The following ADAMTS12 variants were observed in gnomAD, a reference collection of about 807,000 sequenced individuals.
ADAMTS12 encodes the protein A disintegrin and metalloproteinase with thrombospondin motifs 12.
A neutral mutation model predicts 167.8 loss-of-function variants in ADAMTS12; 118 were observed. The observed-to-expected ratio is 0.70, with a 90% CI of 0.61 to 0.82. ADAMTS12 has a LOEUF of 0.82. ADAMTS12 is among the 40% of genes least tolerant of loss of function. The pLI is 0.00. For missense variants in ADAMTS12, 1,916 were observed against 1,998.8 expected (o/e 0.96, Z 0.79); for synonymous variants, 704 against 716.9 (o/e 0.98, Z 0.29).
At chr5:33,559,198 G>C (rs1245598847) in intron 20 of ADAMTS12, among the ~76,000 whole-genome samples, 2 of 152,182 alleles carry the variant, frequency 1.3e-5, no homozygotes, top group African/African-American at 4.8e-5. Flanking sequence ...TAAACCTCTT[G>C]GGTAGCTCTT....
chr5:33,619,928 C>T (rs560089597), intron 14 of ADAMTS12, among the ~76,000 whole-genome samples: 6 of 152,280 alleles, frequency 3.9e-5, no homozygotes, highest in Admixed American at 2.6e-4. Flanking sequence ...CTCTTGACCT[C>T]GTGATCTGCC....
intron 2 of ADAMTS12, among the ~76,000 whole-genome samples, chr5:33,775,218 G>A (rs540407966): frequency 6.6e-6 from 1 of 152,236 alleles, no homozygotes; most frequent in Non-Finnish European, 1.5e-5. Context: ...TTAGGGCTTT[G>A]AGCCCTGTAA....
intron 3 of ADAMTS12, among the ~76,000 whole-genome samples, chr5:33,731,808 T>C (rs2112354187): frequency 6.6e-6 from 1 of 152,322 alleles, no homozygotes; most frequent in East Asian, 1.9e-4. Flanking sequence ...TAACATTGCA[T>C]CTTATTAGAC....
intron 19 of ADAMTS12, among the ~76,000 whole-genome samples, chr5:33,572,086 T>G (rs1270549524): frequency 6.6e-6 from 1 of 152,126 alleles, no homozygotes; most frequent in South Asian, 2.1e-4. Flanking sequence ...TAACAGGAGC[T>G]GAAATTGGGG....
At chr5:33,741,244 A>C (rs1475381045) in intron 3 of ADAMTS12, among the ~76,000 whole-genome samples, 1 of 152,140 alleles carries the variant, frequency 6.6e-6, no homozygotes, top group Non-Finnish European at 1.5e-5. Flanking sequence ...GGCCCAAACC[A>C]CATAAACAGA....
At chr5:33,565,669 T>C (rs962714061) in intron 19 of ADAMTS12, among the ~76,000 whole-genome samples, 1 of 117,178 alleles carries the variant, frequency 8.5e-6, no homozygotes, top group Admixed American at 1.0e-4. Context: ...GCCAGTTTTT[T>C]GTTTGTTTTT....
intron 3 of ADAMTS12, among the ~76,000 whole-genome samples, chr5:33,732,265 T>A (rs1349265200): frequency 6.6e-6 from 1 of 152,196 alleles, no homozygotes; most frequent in Non-Finnish European, 1.5e-5. Context: ...TGAATATTTA[T>A]CTGACACTAG....
chr5:33,727,160 C>T (rs973763406), intron 3 of ADAMTS12, among the ~76,000 whole-genome samples: 4 of 152,134 alleles, frequency 2.6e-5, no homozygotes, highest in Admixed American at 2.6e-4. Flanking sequence ...AGCGCAAAAG[C>T]AAGGCAGGGT....
intron 2 of ADAMTS12, among the ~76,000 whole-genome samples, chr5:33,758,408 T>C (rs7712324): frequency 0.23 from 34,409 of 151,990 alleles, 5,351 homozygotes; most frequent in East Asian, 0.55. Flanking sequence ...TTCAGCCTCT[T>C]GGCATAATGA....
In ADAMTS12 at chr5:33,769,065, G is replaced by A. The variant is rs1166863394; in HGVS notation, c.490-17517C>T. Among the ~76,000 whole-genome samples the A allele has an allele frequency of 2.0e-5, 3 of 152,034 alleles. No homozygotes were observed. In the East Asian group the frequency reaches 5.8e-4, roughly 29 times the overall value. Reference sequence around the variant, plus strand: ...TCAAAAAGATTATAACTGGAAGACAGAGGCACAACAGAAAGAACCAGAGAG... The same window carrying A: ...TCAAAAAGATTATAACTGGAAGACAAAGGCACAACAGAAAGAACCAGAGAG... On this transcript the variant is annotated intron_variant, in intron 2 of 23. Coordinates refer to ENST00000504830, the MANE Select transcript of ADAMTS12 (RefSeq NM_030955.4).
chr5:33,648,760 C>T, intron 9 of ADAMTS12, 62 bp downstream of exon 9: 4 of 1,594,080 alleles, frequency 2.5e-6, no homozygotes, highest in Non-Finnish European at 3.4e-6. Flanking sequence ...ATTGTCCTGG[C>T]CCTTCCTTCA....
chr5:33,763,305 G>A (rs1745420174), intron 2 of ADAMTS12, among the ~76,000 whole-genome samples: 1 of 152,106 alleles, frequency 6.6e-6, no homozygotes, highest in Non-Finnish European at 1.5e-5. Flanking sequence ...TAAGAGGAAG[G>A]CAAGAGGATC....
chr5:33,615,758 T>C, intron 15 of ADAMTS12, 70 bp downstream of exon 15: 1 of 1,584,478 alleles, frequency 6.3e-7, no homozygotes, highest in Non-Finnish European at 8.6e-7. Context: ...CCCTAGCAAG[T>C]ACCTTGGGGA....
At chr5:33,811,994 A>G (rs1043098772) in intron 2 of ADAMTS12, among the ~76,000 whole-genome samples, 1 of 152,260 alleles carries the variant, frequency 6.6e-6, no homozygotes, top group South Asian at 2.1e-4. Flanking sequence ...TAACTCAAAG[A>G]TTTGTCAGCA....
chr5:33,677,635 T>C (rs1350105221), intron 5 of ADAMTS12, among the ~76,000 whole-genome samples: 1 of 152,130 alleles, frequency 6.6e-6, no homozygotes, highest in Non-Finnish European at 1.5e-5. Context: ...AAGGATAGAA[T>C]TTGGGCCATA....
In ADAMTS12 at chr5:33,576,060, C is replaced by T; in HGVS notation, c.3966G>A (p.Trp1322Ter). ...GGGGTAGGAAATGTCTTACCTCGCT[C>T]CAGTTTCCGACGATCCAGTGTGCAG... ...HGSAHWIVGN[W>*]SECSTTCGLG... The change falls in exon 19 of 24, where the codon TGG (tryptophan) becomes TGA (stop). Residue 1322 changes from tryptophan to a stop codon, truncating the protein, a stop_gained. Transcript: ENST00000504830. LOFTEE classifies it high-confidence loss of function. 1.2e-6 allele frequency: 2 copies of T among 1,611,158 alleles called. No individual in the cohort carries two copies. The highest frequency in any genetic ancestry group is 1.7e-6 in the Non-Finnish European group (2 of 1,178,098).
rs368749826 is a variant in ADAMTS12, at chr5:33,576,390, G to T, written c.3636C>A (p.Pro1212=). The change falls in exon 19 of 24, where the codon CCC becomes CCA. Residue 1212 remains proline (P), a synonymous_variant. Coordinates refer to ENST00000504830, the MANE Select transcript of ADAMTS12 (RefSeq NM_030955.4). ...PDLSRESWWP[P]FSTVMEGLLP... is the part of the protein sequence containing the mutation. ...GCAGTCCTTCCATTACTGTGCTGAA[G>T]GGTGGCCACCAGGACTCCCTGCTGA... 1.5e-5 allele frequency: 25 copies of T among 1,614,012 alleles called. No individual in the cohort carries two copies. The highest frequency in any genetic ancestry group is 3.3e-5 in the South Asian group (3 of 91,066).
intron 1 of ADAMTS12, among the ~76,000 whole-genome samples, chr5:33,883,404 G>T (rs1414511276): frequency 1.4e-5 from 2 of 147,936 alleles, no homozygotes. Flanking sequence ...CTCTGCCTTG[G>T]ATGAAATATG....
intron 20 of ADAMTS12, among the ~76,000 whole-genome samples, chr5:33,551,275 A>G (rs1219087466): frequency 2.6e-5 from 4 of 152,158 alleles, no homozygotes; most frequent in African/African-American, 9.7e-5. Context: ...TGTATTTTGG[A>G]AACACATGGG....
Sources: gnomAD v4.1 joint callset for allele counts (sites outside exome capture counted in the v4.1 genomes callset) on GRCh38, gnomAD v4.1.1 for gene constraint, MANE v1.5 for transcripts, NCBI Gene and HGNC (gene_info 2026-07-23, HGNC 2026-07-21) for gene names.